Variants in GNB2 observed in about 807,000 individuals in gnomAD.
The protein encoded by GNB2 is guanine nucleotide-binding protein G(I)/G(S)/G(T) subunit beta-2.
GNB2 carries 7 observed loss-of-function variants against 40.7 expected under a neutral mutation model. The ratio of observed to expected loss-of-function variants is 0.17; its 90% CI spans 0.10 to 0.32. The LOEUF (loss-of-function observed/expected upper bound fraction) is 0.32, where lower values mean the gene tolerates loss of function less well. GNB2 is among the 10% of genes least tolerant of loss of function. The probability of loss-of-function intolerance (pLI) is 1.00; values close to 1 mark genes in which losing one functional copy is unlikely to be tolerated. For synonymous variants in GNB2, 254 were observed against 191.2 expected, an observed-to-expected ratio of 1.33 and a Z score of -2.71; for missense variants, 286 against 473.0, an observed-to-expected ratio of 0.60 and a Z score of 3.67.
At chr7:100,676,664 C>T (rs1490058994) in intron 3 of GNB2, 29 bp from the exon 4 acceptor site, 4 of 1,570,424 alleles carry the variant, frequency 2.5e-6, no homozygotes, top group African/African-American at 2.7e-5. Context: ...GCCTGGGCCT[C>T]CCCGAGCGCA....
Position 100,677,812 on chromosome 7 carries a change from C to G in GNB2, c.491C>G (p.Thr164Ser). ...CAAATCATCACCAGCTCTGGGGATACCACCTGGTGAGGCTCTGCCAGGGCT... is the reference window on the plus strand; with the variant it reads ...CAAATCATCACCAGCTCTGGGGATAGCACCTGGTGAGGCTCTGCCAGGGCT... ...DNQIITSSGD[T>S]TCALWDIETG... is the part of the protein sequence containing the mutation. Residue 164 changes from threonine to serine, a missense_variant, in exon 7 of 10, where the codon ACC (threonine) becomes AGC (serine). Coordinates refer to ENST00000303210, the MANE Select transcript of GNB2 (RefSeq NM_005273.4). 1 of 1,612,862 alleles carries G rather than the reference C, an allele frequency of 6.2e-7. No homozygotes were observed. Among genetic ancestry groups the G allele is most frequent in the Non-Finnish European group, 8.5e-7 (1 of 1,179,298 alleles).
intron 7 of GNB2, 72 bp downstream of exon 7, chr7:100,677,890 C>A: frequency 1.5e-6 from 2 of 1,353,238 alleles, no homozygotes; most frequent in South Asian, 1.2e-5. Flanking sequence ...CGTCCCAGTG[C>A]TCAACATGCA....
Position 100,677,959 on chromosome 7 carries a change from C to T in GNB2, c.498-139C>T, listed in dbSNP as rs549420066. The T allele has an allele frequency of 2.6e-5, 25 of 978,070 alleles. No individual in the cohort carries two copies. In the South Asian group the frequency reaches 3.6e-4, roughly 14 times the overall value. 60.6% of individuals were successfully genotyped at this position (978,070 alleles called of 1,614,324 possible). A position where few individuals can be genotyped will look rare whatever the true frequency, so the allele number is the denominator to read the frequency against. On this transcript the variant is annotated intron_variant, in intron 7 of 9. Transcript: ENST00000303210. ...CTAAGGGGGTCAGGGAGGGATGCGT[C>T]CCCTCCCCACCTAAGGCTCTGAGAA...
Position 100,679,061 on chromosome 7 carries a change from CGGAGGCA to C in GNB2, c.*266_*272del, listed in dbSNP as rs1562859511. 6 of 443,966 alleles carry C rather than the reference CGGAGGCA, an allele frequency of 1.4e-5. No homozygotes were observed. The highest frequency in any genetic ancestry group is 3.3e-5 in the East Asian group (1 of 30,278). 27.5% of individuals were successfully genotyped at this position (443,966 alleles called of 1,614,324 possible). ...TTGGGGCCTCACCCCTCTGGAGGGC[CGGAGGCA>C]GGAGGTGGAAACCCCAGGGGCTGGC... On this transcript the variant is annotated 3_prime_UTR_variant, in exon 10 of 10. Coordinates refer to ENST00000303210, the MANE Select transcript of GNB2 (RefSeq NM_005273.4).
rs896421683 is a variant in GNB2 at position 100,677,258 on chromosome 7, C to G, written c.204-94C>G. 18 of 970,168 alleles carry G rather than the reference C, an allele frequency of 1.9e-5. No homozygotes were observed. In the East Asian group the frequency reaches 2.7e-4, roughly 15 times the overall value. The allele number at this position is 970,168 out of a possible 1,614,324, so 60.1% of individuals were successfully genotyped here. On this transcript the variant is annotated intron_variant, in intron 4 of 9. Coordinates refer to ENST00000303210, the MANE Select transcript of GNB2 (RefSeq NM_005273.4). ...TGCCACTGCACTCCAGCCTGCACAA[C>G]AGAGAGAGACCCTACCTTCTCCCAC...
chr7:100,674,835 G>T (rs1179315362), intron 1 of GNB2, among the ~76,000 whole-genome samples: 1 of 152,236 alleles, frequency 6.6e-6, no homozygotes, highest in Non-Finnish European at 1.5e-5. Flanking sequence ...CGGCGGTGCC[G>T]CCAGGCCTGG....
Position 100,677,474 on chromosome 7 carries a change from CCCGGCGCTT to C in GNB2, c.268-21_268-13del. On this transcript the variant is annotated splice_polypyrimidine_tract_variant and intron_variant, in intron 5 of 9. Coordinates refer to ENST00000303210, the MANE Select transcript of GNB2 (RefSeq NM_005273.4). ...CCACAGGGCCCTGGCTGGCTCTGACCCCGGCGCTTCCCCTGCTCCGCAGGTCCACGCCAT... is the reference window on the plus strand; with the variant it reads ...CCACAGGGCCCTGGCTGGCTCTGACCCCCCTGCTCCGCAGGTCCACGCCAT... 1 of 1,613,024 alleles carries C rather than the reference CCCGGCGCTT, an allele frequency of 6.2e-7. No homozygotes were observed. Among genetic ancestry groups the C allele is most frequent in the East Asian group, 2.2e-5 (1 of 44,864 alleles).
Position 100,676,163 on chromosome 7 carries a change from C to T in GNB2, c.-89-14C>T. On this transcript the variant is annotated splice_polypyrimidine_tract_variant and intron_variant, in intron 1 of 9. Coordinates refer to ENST00000303210, the MANE Select transcript of GNB2 (RefSeq NM_005273.4). ...CGGCGGCCTCGGGCCTGACGTCAGCCCTGCATCCCCCAGGCCTCGGGCCAG... is the reference window on the plus strand; with the variant it reads ...CGGCGGCCTCGGGCCTGACGTCAGCTCTGCATCCCCCAGGCCTCGGGCCAG... The T allele has an allele frequency of 7.4e-6, 5 of 673,576 alleles. No homozygotes were observed. The highest frequency in any genetic ancestry group is 1.3e-5 in the Non-Finnish European group (5 of 394,224). 41.7% of individuals were successfully genotyped at this position (673,576 alleles called of 1,614,324 possible). A position where few individuals can be genotyped will look rare whatever the true frequency, so the allele number is the denominator to read the frequency against.
intron 1 of GNB2, chr7:100,675,708 GTC>G (rs891646501): frequency 3.3e-5 from 5 of 153,116 alleles, no homozygotes; most frequent in African/African-American, 1.2e-4. Context: ...TTCCCCTCTG[GTC>G]TCTCCCCCCA....
rs150959922 is a variant in GNB2 at position 100,678,131 on chromosome 7, A to G, written c.531A>G (p.Thr177=). ...ALWDIETGQQ[T]VGFAGHSGDV... ...GGGACATTGAGACAGGCCAGCAGACAGTGGGTTTTGCTGGACACAGTGGGG... is the reference window on the plus strand; with the variant it reads ...GGGACATTGAGACAGGCCAGCAGACGGTGGGTTTTGCTGGACACAGTGGGG... The change falls in exon 8 of 10, where the codon ACA becomes ACG. Residue 177 remains threonine, a synonymous_variant. Coordinates refer to ENST00000303210, the MANE Select transcript of GNB2 (RefSeq NM_005273.4). 5.5e-5 allele frequency: 89 copies of G among 1,613,844 alleles called. No individual in the cohort carries two copies. In the East Asian group the frequency reaches 1.9e-3, roughly 35 times the overall value.
chr7:100,677,340 G>C lies in GNB2; in HGVS notation c.204-12G>C, dbSNP rs766084389. ...GCCACCCTTCTGCTCTCCCTACACC[G>C]TTCCCCACCAGGCTGCTGGTCAGCG... On this transcript the variant is annotated splice_polypyrimidine_tract_variant and intron_variant, in intron 4 of 9. Coordinates refer to ENST00000303210, the MANE Select transcript of GNB2 (RefSeq NM_005273.4). The C allele has an allele frequency of 3.1e-6, 5 of 1,611,782 alleles. No homozygotes were observed. In the South Asian group the frequency reaches 4.4e-5, roughly 14 times the overall value.
At position 100,676,705 on chromosome 7, in the gene GNB2, C is replaced by A; in HGVS notation, c.109C>A (p.Leu37Met). ...DSTLTQITAG[L>M]DPVGRIQMRT... ...TCTCTACCTCCAGATCACAGCTGGG[C>A]TGGACCCAGTGGGGAGAATCCAGAT... is the stretch of plus-strand genomic sequence containing the variant. Residue 37 changes from leucine (L) to methionine (M), a missense_variant, in exon 4 of 10, where the codon CTG becomes ATG. Transcript: ENST00000303210. The A allele has an allele frequency of 6.2e-7, 1 of 1,611,130 alleles. No homozygotes were observed. Among genetic ancestry groups the A allele is most frequent in the Non-Finnish European group, 8.5e-7 (1 of 1,177,806 alleles).
At chr7:100,678,649 C>T (rs753600090) in intron 9 of GNB2, 35 bp downstream of exon 9, 2 of 1,608,378 alleles carry the variant, frequency 1.2e-6, no homozygotes, top group East Asian at 2.2e-5. Flanking sequence ...TGGGCAGGGA[C>T]CTGGAGCCCA....
In GNB2 at chr7:100,677,466, G is replaced by A. The variant is rs192618794; in HGVS notation, c.268-32G>A. ...GGGCAGGGCCACAGGGCCCTGGCTG[G>A]CTCTGACCCCGGCGCTTCCCCTGCT... On this transcript the variant is annotated intron_variant, in intron 5 of 9. Coordinates refer to ENST00000303210, the MANE Select transcript of GNB2 (RefSeq NM_005273.4). 205 of 1,613,072 alleles carry A rather than the reference G, an allele frequency of 1.3e-4. No individual in the cohort carries two copies. The African/African-American group carries it at 2.3e-3, about 18-fold the overall frequency.
chr7:100,678,696 A>C lies in GNB2; in HGVS notation c.918A>C (p.Gly306=). 1 of 1,613,006 alleles carries C rather than the reference A, an allele frequency of 6.2e-7. No homozygotes were observed. Among genetic ancestry groups the C allele is most frequent in the Non-Finnish European group, 8.5e-7 (1 of 1,179,456 alleles). ...TTCTGACTTCTCTCTTCTTCACAGG[A>C]GTCCTCGCTGGCCACGACAACCGCG... ...IWDAMKGDRA[G]VLAGHDNRVS... Residue 306 remains glycine, a splice_region_variant and synonymous_variant, in exon 10 of 10, where the codon GGA becomes GGC. Transcript: ENST00000303210.
Position 100,676,543 on chromosome 7 carries a change from A to G in GNB2, c.66A>G (p.Arg22=). The G allele has an allele frequency of 1.2e-6, 2 of 1,611,746 alleles. No individual in the cohort carries two copies. Among genetic ancestry groups the G allele is most frequent in the Middle Eastern group, 3.3e-4 (2 of 6,058 alleles). ...TCTGCCATCCCTTACAGGATGCCCG[A>G]AAAGCATGTGGGGACTCAACACTGA... ...EQLRNQIRDA[R]KACGDSTLTQ... The change falls in exon 3 of 10, where the codon CGA becomes CGG. Residue 22 remains arginine, a synonymous_variant. Transcript: ENST00000303210.
At chr7:100,677,234 G>A (rs761180701) in intron 4 of GNB2, 118 bp from the exon 5 acceptor site, 22 of 745,426 alleles carry the variant, frequency 3.0e-5, no homozygotes, top group African/African-American at 8.7e-5. Flanking sequence ...CTGTGATGGT[G>A]CCACTGCACT....
chr7:100,677,269 C>A (rs1378014427), intron 4 of GNB2, 83 bp from the exon 5 acceptor site: 7 of 1,089,950 alleles, frequency 6.4e-6, no homozygotes, highest in Non-Finnish European at 7.0e-6. Flanking sequence ...AGAGAGAGAC[C>A]CTACCTTCTC....
At chr7:100,675,331 G>C (rs1273798111) in intron 1 of GNB2, 1 of 151,412 alleles carries the variant, frequency 6.6e-6, no homozygotes, top group Non-Finnish European at 1.5e-5. Context: ...GGCGGGGCGG[G>C]CGGTCCCTGC....
Sources: gnomAD v4.1 joint callset for allele counts (sites outside exome capture counted in the v4.1 genomes callset) on GRCh38, gnomAD v4.1.1 for gene constraint, MANE v1.5 for transcripts, NCBI Gene and HGNC (gene_info 2026-07-23, HGNC 2026-07-21) for gene names.